RBFOX1: variants seen among roughly 807,000 people sequenced by gnomAD.
The protein encoded by RBFOX1 is RNA binding fox-1 homolog 1, also known as RNA binding protein fox-1 homolog 1.
A neutral mutation model predicts 57.7 loss-of-function variants in RBFOX1; 8 were observed. The ratio of observed to expected loss-of-function variants is 0.14; its 90% confidence interval spans 0.08 to 0.25. RBFOX1 has a LOEUF of 0.25. Among genes scored for constraint, RBFOX1 ranks in the 10% least tolerant of loss-of-function variants. The pLI, the probability that RBFOX1 is intolerant of heterozygous loss-of-function variation, is 1.00. For synonymous variants in RBFOX1, 326 were observed against 222.4 expected, an observed-to-expected ratio of 1.47 and a Z score of -4.15; for missense variants, 611 against 548.5, an observed-to-expected ratio of 1.11 and a Z score of -1.14.
chr16:5,645,940 A>G (rs1238886041), intron 3 of RBFOX1, among the ~76,000 whole-genome samples: 3 of 152,064 alleles, frequency 2.0e-5, no homozygotes, highest in Non-Finnish European at 4.4e-5. Flanking sequence ...GGCTCAAGTG[A>G]TTTTCCTGCC....
Position 5,572,381 on chromosome 16 carries a change from T to G in RBFOX1, c.259-26521T>G, listed in dbSNP as rs139327914. ...AGCAGACAAAAATCCCTGAGGCCACTAACAGTATATTCTGTGGCAGGATTT... is the reference window on the plus strand; with the variant it reads ...AGCAGACAAAAATCCCTGAGGCCACGAACAGTATATTCTGTGGCAGGATTT... On this transcript the variant is annotated intron_variant, in intron 2 of 2. Coordinates refer to the RBFOX1 transcript ENST00000585867. Among the ~76,000 whole-genome samples, 11 of 152,352 alleles carry G rather than the reference T, an allele frequency of 7.2e-5. No individual in the cohort carries two copies. In the East Asian group the frequency reaches 1.5e-3, roughly 21 times the overall value.
At chr16:7,621,342 C>A (rs752438771) in intron 10 of RBFOX1, among the ~76,000 whole-genome samples, 5 of 151,990 alleles carry the variant, frequency 3.3e-5, no homozygotes, top group African/African-American at 1.2e-4. Context: ...TTCATTGCAA[C>A]CTCTGCCTCG....
At chr16:5,560,262 C>T (rs181300659) in intron 2 of RBFOX1, among the ~76,000 whole-genome samples, 2 of 152,154 alleles carry the variant, frequency 1.3e-5, no homozygotes, top group East Asian at 3.9e-4. Context: ...CACTTAGTCA[C>T]CTCCTCCAGG....
At chr16:7,683,898 C>G (rs189764981) in intron 14 of RBFOX1, among the ~76,000 whole-genome samples, 36 of 152,088 alleles carry the variant, frequency 2.4e-4, no homozygotes, top group Non-Finnish European at 1.5e-5. Context: ...GATAGAATAT[C>G]TTAGCTCATG....
intron 1 of RBFOX1, among the ~76,000 whole-genome samples, chr16:5,353,281 G>A (rs971147053): frequency 6.6e-6 from 1 of 151,810 alleles, no homozygotes; most frequent in African/African-American, 2.4e-5. Flanking sequence ...AGCAGGCTGA[G>A]CCAGGAGTAT....
At chr16:7,168,448 G>A (rs536259273) in intron 4 of RBFOX1, among the ~76,000 whole-genome samples, 4 of 152,248 alleles carry the variant, frequency 2.6e-5, no homozygotes, top group Non-Finnish European at 5.9e-5. Flanking sequence ...GTGAATTCGT[G>A]AACCTCATTG....
intron 9 of RBFOX1, among the ~76,000 whole-genome samples, chr16:7,600,207 G>A (rs999973160): frequency 6.6e-6 from 1 of 152,180 alleles, no homozygotes; most frequent in African/African-American, 2.4e-5. Flanking sequence ...GGAACTCAGA[G>A]AATTGTTCCT....
At chr16:7,132,081 G>A (rs113065229) in intron 4 of RBFOX1, among the ~76,000 whole-genome samples, 17 of 143,440 alleles carry the variant, frequency 1.2e-4, no homozygotes, top group East Asian at 8.9e-4. Flanking sequence ...AACCTCTGCC[G>A]CCCGGGCTGA....
intron 2 of RBFOX1, among the ~76,000 whole-genome samples, chr16:5,590,507 G>A (rs964054484): frequency 6.6e-6 from 1 of 152,134 alleles, no homozygotes; most frequent in South Asian, 2.1e-4. Context: ...GGGAAGCCTC[G>A]GTGTCATTAT....
intron 5 of RBFOX1, among the ~76,000 whole-genome samples, chr16:7,535,950 G>C (rs957345739): frequency 6.6e-6 from 1 of 152,276 alleles, no homozygotes; most frequent in Middle Eastern, 3.4e-3. Flanking sequence ...GCGCAGAACT[G>C]GGCCTTGGAG....
At chr16:6,956,687 A>G (rs2081919903) in intron 3 of RBFOX1, among the ~76,000 whole-genome samples, 1 of 152,176 alleles carries the variant, frequency 6.6e-6, no homozygotes, top group Non-Finnish European at 1.5e-5. Flanking sequence ...CATCATATCA[A>G]AGGCATTTGC....
intron 4 of RBFOX1, among the ~76,000 whole-genome samples, chr16:5,980,107 C>A (rs1476791681): frequency 6.6e-6 from 1 of 152,208 alleles, no homozygotes; most frequent in African/African-American, 2.4e-5. Context: ...CTGCCAGCAG[C>A]CTTTCTCTGG....
chr16:7,360,008 C>G (rs1397970962), intron 4 of RBFOX1, among the ~76,000 whole-genome samples: 1 of 146,220 alleles, frequency 6.8e-6, no homozygotes, highest in African/African-American at 2.4e-5. Flanking sequence ...AACAAACAAA[C>G]AAAAAAACCA....
At chr16:6,052,519 T>G (rs2095563140) in intron 1 of RBFOX1, among the ~76,000 whole-genome samples, 1 of 152,070 alleles carries the variant, frequency 6.6e-6, no homozygotes, top group Admixed American at 6.5e-5. Context: ...GCGCGGTGGC[T>G]CACACCTGTA....
chr16:6,437,203 A>G (rs1470858167), intron 2 of RBFOX1, among the ~76,000 whole-genome samples: 1 of 152,220 alleles, frequency 6.6e-6, no homozygotes, highest in Non-Finnish European at 1.5e-5. Flanking sequence ...TTTACTGTTC[A>G]ATCAGGAATG....
chr16:5,985,588 AGCCAGGACT>A (rs1241003480), intron 4 of RBFOX1, among the ~76,000 whole-genome samples: 1 of 152,198 alleles, frequency 6.6e-6, no homozygotes, highest in Non-Finnish European at 1.5e-5. Context: ...CAAGGCTAGA[AGCCAGGACT>A]GCCCCAGCAG....
chr16:7,527,592 G>T (rs1475485209), intron 5 of RBFOX1, among the ~76,000 whole-genome samples: 1 of 152,154 alleles, frequency 6.6e-6, no homozygotes. Context: ...TCTAGGTACA[G>T]AGCTTGACAT....
intron 1 of RBFOX1, among the ~76,000 whole-genome samples, chr16:6,184,203 C>T (rs986068778): frequency 1.3e-5 from 2 of 152,176 alleles, no homozygotes; most frequent in African/African-American, 4.8e-5. Context: ...TCTCCCATAA[C>T]ATATGGGAAT....
At chr16:7,660,742 C>T (rs1489104332) in intron 12 of RBFOX1, among the ~76,000 whole-genome samples, 3 of 152,200 alleles carry the variant, frequency 2.0e-5, no homozygotes, top group African/African-American at 7.2e-5. Flanking sequence ...TAGATGCTGT[C>T]ATCCGGATCT....
Sources: allele counts gnomAD v4.1 joint callset (sites outside exome capture counted in the v4.1 genomes callset), GRCh38; gene constraint gnomAD v4.1.1; transcripts MANE v1.5; gene names NCBI Gene and HGNC (gene_info 2026-07-23, HGNC 2026-07-21).